Variants in CYP2B6 observed in about 807,000 individuals in gnomAD.
CYP2B6 encodes the protein cytochrome P450 2B6.
Under a neutral mutation model 43.4 loss-of-function variants are expected in CYP2B6, and 35 were observed. The observed-to-expected ratio is 0.81, with a 90% CI of 0.62 to 1.07. The LOEUF (loss-of-function observed/expected upper bound fraction) is 1.07, where lower values mean the gene tolerates loss of function less well. Ranked by LOEUF, CYP2B6 falls within the 50% of genes least tolerant of loss-of-function variation. CYP2B6 has a pLI of 0.00. For missense variants in CYP2B6, 624 were observed against 632.8 expected (o/e 0.99, Z 0.15); for synonymous variants, 239 against 239.2 (o/e 1.00, Z 0.01).
chr19:41,008,038 T>G (rs1049121312), intron 4 of CYP2B6, among the ~76,000 whole-genome samples: 25 of 150,766 alleles, frequency 1.7e-4, no homozygotes, highest in African/African-American at 5.2e-4. Flanking sequence ...TTCTCCCATT[T>G]CTCCTTCTCC....
intron 1 of CYP2B6, among the ~76,000 whole-genome samples, chr19:40,997,740 A>G (rs1448840564): frequency 6.6e-6 from 1 of 152,072 alleles, no homozygotes. Flanking sequence ...TTTCAGGGGA[A>G]TGACATGGAG....
At position 40,991,467 on chromosome 19, in the gene CYP2B6, C is replaced by A. The variant is rs772813989; in HGVS notation, c.162C>A (p.Ser54=). The change falls in exon 1 of 9, where the codon TCC becomes TCA. Residue 54 remains serine (S), a synonymous_variant. Coordinates refer to ENST00000324071, the MANE Select transcript of CYP2B6 (RefSeq NM_000767.5). The stretch of plus-strand genomic sequence containing the variant: ...TGGATAGAAGAGGCCTACTCAAATC[C>A]TTTCTGAGGGTAAGACACAGACGAA... ...LQMDRRGLLK[S]FLRFREKYGD... The A allele has an allele frequency of 2.9e-5, 46 of 1,613,680 alleles. No homozygotes were observed. Among genetic ancestry groups the A allele is most frequent in the Admixed American group, 5.0e-5 (3 of 59,986 alleles).
chr19:40,995,101 A>G (rs190577922), intron 1 of CYP2B6, among the ~76,000 whole-genome samples: 23 of 152,256 alleles, frequency 1.5e-4, no homozygotes, highest in Non-Finnish European at 2.6e-4. Flanking sequence ...TTATAGTCCT[A>G]TGGATTTTCT....
rs763803883 is a variant in CYP2B6, at chr19:40,991,375, C to G, written c.70C>G (p.Pro24Ala). ...GLLLLLVQRH[P>A]NTHDRLPPGP... ...CTTGCTACTCCTGGTTCAGCGCCAC[C>G]CTAACACCCATGACCGCCTCCCACC... The change falls in exon 1 of 9, where the codon CCT becomes GCT. Residue 24 changes from proline to alanine, a missense_variant. Coordinates refer to ENST00000324071, the MANE Select transcript of CYP2B6 (RefSeq NM_000767.5). 6.2e-7 allele frequency: 1 copy of G among 1,614,122 alleles called. No homozygotes were observed. The highest frequency in any genetic ancestry group is 8.5e-7 in the Non-Finnish European group (1 of 1,180,030).
At position 41,009,226 on chromosome 19, in the gene CYP2B6, A is replaced by C; in HGVS notation, c.653A>C (p.Glu218Ala). ...LISSVFGQLF[E>A]LFSGFLKYFP... ...ACCCCTTCTTTCTTGCAGCTGTTTG[A>C]GCTCTTCTCTGGCTTCTTGAAATAC... Residue 218 changes from glutamate (E) to alanine (A), a missense_variant, in exon 5 of 9, where the codon GAG becomes GCG. Glu to Ala is a moderately radical substitution (Grantham distance 107). Coordinates refer to ENST00000324071, the MANE Select transcript of CYP2B6 (RefSeq NM_000767.5). 1 of 1,611,650 alleles carries C rather than the reference A, an allele frequency of 6.2e-7. No individual in the cohort carries two copies. Among genetic ancestry groups the C allele is most frequent in the South Asian group, 1.1e-5 (1 of 90,930 alleles).
intron 1 of CYP2B6, among the ~76,000 whole-genome samples, chr19:40,992,949 G>T (rs1159489655): frequency 6.6e-6 from 1 of 152,076 alleles, no homozygotes; most frequent in Non-Finnish European, 1.5e-5. Flanking sequence ...GTATAGATAA[G>T]GTCCACTGTC....
In CYP2B6 at chr19:41,006,888, C is replaced by G. The variant is rs1247993415; in HGVS notation, c.485-17C>G. On this transcript the variant is annotated splice_polypyrimidine_tract_variant and intron_variant, in intron 3 of 8. Coordinates refer to ENST00000324071, the MANE Select transcript of CYP2B6 (RefSeq NM_000767.5). ...AGGCACTTCAGTCTGTGTCCTTGAC[C>G]TGCTGCTTCTTCCTAGGGGCCCTCA... is the stretch of plus-strand genomic sequence containing the variant. 1.9e-6 allele frequency: 3 copies of G among 1,612,114 alleles called. No individual in the cohort carries two copies. In the Admixed American group the frequency reaches 5.0e-5, roughly 27 times the overall value.
chr19:41,005,192 G>A (rs568375051), intron 3 of CYP2B6, among the ~76,000 whole-genome samples: 77 of 152,276 alleles, frequency 5.1e-4, no homozygotes, highest in Non-Finnish European at 7.9e-4. Context: ...CTGCCCGGGT[G>A]CAGCTGGAGG....
Position 40,991,325 on chromosome 19 carries a change from T to A in CYP2B6, c.20T>A (p.Leu7His). Residue 7 changes from leucine to histidine, a missense_variant, in exon 1 of 9, where the codon CTC becomes CAC. Physicochemically the swap from Leu to His is moderately conservative, Grantham distance 99. Transcript: ENST00000324071. MELSVL[L>H]FLALLTGLLL... ...AGGACCATGGAACTCAGCGTCCTCC[T>A]CTTCCTTGCACTCCTCACAGGACTC... is the stretch of plus-strand genomic sequence containing the variant. The A allele has an allele frequency of 6.2e-7, 1 of 1,614,094 alleles. No homozygotes were observed. Among genetic ancestry groups the A allele is most frequent in the South Asian group, 1.1e-5 (1 of 91,070 alleles).
chr19:41,004,647 A>T (rs149435988), intron 3 of CYP2B6, among the ~76,000 whole-genome samples: 1 of 152,116 alleles, frequency 6.6e-6, no homozygotes, highest in African/African-American at 2.4e-5. Context: ...GGAGAGAAAC[A>T]CAGAGAGCCA....
At chr19:41,005,959 C>T (rs1206698831) in intron 3 of CYP2B6, among the ~76,000 whole-genome samples, 2 of 151,962 alleles carry the variant, frequency 1.3e-5, no homozygotes. Context: ...CAAGTGAGAA[C>T]CAGAGAGAGG....
intron 1 of CYP2B6, among the ~76,000 whole-genome samples, chr19:40,994,014 A>G (rs1035766170): frequency 1.6e-4 from 25 of 152,084 alleles, no homozygotes; most frequent in African/African-American, 6.0e-4. Context: ...TAGCTGCAAA[A>G]TTCAAGATGT....
At chr19:40,994,841 T>C (rs2044339241) in intron 1 of CYP2B6, among the ~76,000 whole-genome samples, 1 of 152,122 alleles carries the variant, frequency 6.6e-6, no homozygotes, top group South Asian at 2.1e-4. Flanking sequence ...AATAACATAA[T>C]CACTACTAAA....
At chr19:40,994,543 T>A (rs1340243099) in intron 1 of CYP2B6, among the ~76,000 whole-genome samples, 1 of 152,114 alleles carries the variant, frequency 6.6e-6, no homozygotes, top group Non-Finnish European at 1.5e-5. Context: ...GGTCGTGCTA[T>A]GTTGAACTCT....
chr19:40,993,070 G>A (rs115734479), intron 1 of CYP2B6, among the ~76,000 whole-genome samples: 69 of 152,240 alleles, frequency 4.5e-4, no homozygotes, highest in African/African-American at 1.6e-3. Context: ...TAGTTCAATA[G>A]TATTAGAGTC....
intron 1 of CYP2B6, among the ~76,000 whole-genome samples, chr19:40,992,926 T>A (rs1263890088): frequency 6.6e-6 from 1 of 152,086 alleles, no homozygotes; most frequent in African/African-American, 2.4e-5. Context: ...CTTTGAGGAA[T>A]GTGGACTTGG....
chr19:41,004,141 C>G lies in CYP2B6; in HGVS notation c.312C>G (p.Val104=). The change falls in exon 2 of 9, where the codon GTC becomes GTG. Residue 104 remains valine (V), a synonymous_variant. Transcript: ENST00000324071. ...AFSGRGKIAM[V]DPFFRGYGVI... ...CTGGCCGGGGAAAAATCGCCATGGT[C>G]GACCCATTCTTCCGGGGATATGGTG... The G allele has an allele frequency of 6.2e-7, 1 of 1,606,362 alleles. No homozygotes were observed. The highest frequency in any genetic ancestry group is 8.5e-7 in the Non-Finnish European group (1 of 1,178,982).
intron 8 of CYP2B6, 170 bp downstream of exon 8, chr19:41,012,985 AG>A (rs1969309024): frequency 1.2e-6 from 1 of 803,780 alleles, no homozygotes; most frequent in Admixed American, 2.1e-5. Context: ...GGCTTGAGAA[AG>A]AAGATTACAT....
At position 41,016,399 on chromosome 19, in the gene CYP2B6, CAAAAAAAAAAAAAAAAAAAA is replaced by C. The variant is rs869180190; in HGVS notation, c.1295-231_1295-212del. On this transcript the variant is annotated intron_variant, in intron 8 of 8. Transcript: ENST00000324071. Reference sequence around the variant, plus strand: ...TGGGTGACAAAGAGAGACTCCATCTCAAAAAAAAAAAAAAAAAAAAAAAAAAAAAAAAAAAGAGAGAGAGA... The same window carrying C: ...TGGGTGACAAAGAGAGACTCCATCTCAAAAAAAAAAAAAAAGAGAGAGAGA... Among the ~76,000 whole-genome samples the C allele has an allele frequency of 3.1e-4, 24 of 76,874 alleles. 1 individual carries two copies. The highest frequency in any genetic ancestry group is 1.1e-3 in the East Asian group (2 of 1,902). 50.4% of individuals were successfully genotyped at this position (76,874 alleles called of 152,430 possible).
Sources: allele counts gnomAD v4.1 joint callset (sites outside exome capture counted in the v4.1 genomes callset), GRCh38; gene constraint gnomAD v4.1.1; transcripts MANE v1.5; gene names NCBI Gene and HGNC (gene_info 2026-07-23, HGNC 2026-07-21).